Variants in CXXC5 observed in about 807,000 individuals in gnomAD.
CXXC5 encodes CXXC finger protein 5.
In CXXC5, 2 loss-of-function variants were observed where a neutral mutation model predicts 17.6. The ratio of observed to expected loss-of-function variants is 0.11; its 90% CI spans 0.05 to 0.36. CXXC5 has a LOEUF of 0.36. Among genes scored for constraint, CXXC5 ranks in the 10% least tolerant of loss-of-function variants. The pLI, the probability that CXXC5 is intolerant of heterozygous loss-of-function variation, is 1.00. For synonymous variants in CXXC5, 171 were observed against 193.0 expected, an observed-to-expected ratio of 0.89 and a Z score of 0.94; for missense variants, 343 against 458.3, an observed-to-expected ratio of 0.75 and a Z score of 2.30.
rs1167387668 is a variant in CXXC5 at position 139,661,382 on chromosome 5, T to G, written c.-161+12537T>G. On this transcript the variant is annotated intron_variant, in intron 1 of 2. Transcript: ENST00000302517. The surrounding 1 kb of genome is among the most constrained non-coding windows in gnomAD (Gnocchi z 4.7). ...ACACACTTAGGACAGACACAGTCAC[T>G]TGCAGCACACGTAGTTCCACACGAC... 1.3e-5 allele frequency among the ~76,000 whole-genome samples: 2 copies of G among 152,030 alleles called. No individual in the cohort carries two copies. The highest frequency in any genetic ancestry group is 4.8e-5 in the African/African-American group (2 of 41,390).
At chr5:139,648,873 G>T in intron 1 of CXXC5, 28 bp downstream of exon 1, 1 of 152,162 alleles carries the variant, frequency 6.6e-6, no homozygotes, top group South Asian at 2.0e-4. Flanking sequence ...GCCCTCCCTC[G>T]ACCCCCCCCG....
chr5:139,669,551 C>T (rs201668697), intron 1 of CXXC5, among the ~76,000 whole-genome samples: 364 of 152,292 alleles, frequency 2.4e-3, no homozygotes, highest in African/African-American at 8.0e-3. Flanking sequence ...GCCAGGACAG[C>T]TATGGCTTTA....
In CXXC5 at chr5:139,680,743, C is replaced by T. The variant is rs779733703; in HGVS notation, c.220C>T (p.Arg74Cys). The change falls in exon 2 of 3, where the codon CGC (arginine) becomes TGC (cysteine). Residue 74 changes from arginine (R) to cysteine (C), a missense_variant. By Grantham distance (180) the Arg-to-Cys change is radical (BLOSUM62 -3). Around this residue, in one of 4 missense-constraint regions of CXXC5, gnomAD observed 297 missense variants for 363.4 expected, o/e 0.82. Transcript: ENST00000302517. ...CAGTGAGCCCCTCAACAAGAGCCTG[C>T]GCCGCTCCCGCCCGCTCTCCCACTA... ...IISEPLNKSL[R>C]RSRPLSHYSS... 5 of 1,613,510 alleles carry T rather than the reference C, an allele frequency of 3.1e-6. No homozygotes were observed. Among genetic ancestry groups the T allele is most frequent in the East Asian group, 2.2e-5 (1 of 44,870 alleles).
chr5:139,657,687 A>G (rs1755562455), intron 1 of CXXC5, among the ~76,000 whole-genome samples: 1 of 152,136 alleles, frequency 6.6e-6, no homozygotes, highest in South Asian at 2.1e-4. Flanking sequence ...TGAGGACCAC[A>G]ATTTTTCCAT....
At chr5:139,657,356 A>C (rs777435177) in intron 1 of CXXC5, among the ~76,000 whole-genome samples, 4 of 152,198 alleles carry the variant, frequency 2.6e-5, no homozygotes, top group African/African-American at 4.8e-5. Context: ...GGACTCCTTA[A>C]ATGCTTGCTG....
intron 1 of CXXC5, among the ~76,000 whole-genome samples, chr5:139,655,234 A>G (rs1470597907): frequency 6.6e-6 from 1 of 152,000 alleles, no homozygotes; most frequent in Non-Finnish European, 1.5e-5. Context: ...AGAGCTGGGG[A>G]GACTGGCTGT....
intron 1 of CXXC5, among the ~76,000 whole-genome samples, chr5:139,655,532 AC>A (rs1393790491): frequency 1.4e-5 from 2 of 147,058 alleles, no homozygotes; most frequent in Non-Finnish European, 3.0e-5. Flanking sequence ...TGCCCCTGAC[AC>A]TTTCCCTATC....
At chr5:139,662,087 C>CG (rs1755851652) in intron 1 of CXXC5, among the ~76,000 whole-genome samples, 1 of 113,062 alleles carries the variant, frequency 8.8e-6, no homozygotes, top group Middle Eastern at 4.4e-3. Context: ...TGGGAGGTGA[C>CG]AGGGTGTGCC....
chr5:139,666,276 A>G (rs1756107017), intron 1 of CXXC5, among the ~76,000 whole-genome samples: 1 of 152,256 alleles, frequency 6.6e-6, no homozygotes, highest in East Asian at 1.9e-4. Context: ...GACTCTTCCC[A>G]GGGAGGAAGC....
chr5:139,678,788 G>A (rs552230509), intron 1 of CXXC5, among the ~76,000 whole-genome samples: 53 of 152,338 alleles, frequency 3.5e-4, no homozygotes, highest in African/African-American at 1.2e-3. Flanking sequence ...AGCCCAGGGC[G>A]TGATGGGGCC....
Position 139,659,590 on chromosome 5 carries a change from C to G in CXXC5, c.-161+10745C>G, listed in dbSNP as rs183078179. ...CCAGGGGCCTTGTGGTGCCCTCCACCCTGTCCTGAGCTGCCGCTGCGGGGG... is the reference window on the plus strand; with the variant it reads ...CCAGGGGCCTTGTGGTGCCCTCCACGCTGTCCTGAGCTGCCGCTGCGGGGG... On this transcript the variant is annotated intron_variant, in intron 1 of 2. Transcript: ENST00000302517. 2.6e-5 allele frequency: 4 copies of G among 152,504 alleles called. No homozygotes were observed. The East Asian group carries it at 7.7e-4, about 29-fold the overall frequency. The allele number at this position is 152,504 out of a possible 1,614,324, so 9.4% of individuals were successfully genotyped here.
Position 139,648,366 on chromosome 5 carries a change from C to T in CXXC5, c.-640C>T. On this transcript the variant is annotated 5_prime_UTR_variant, in exon 1 of 3. Coordinates refer to ENST00000302517, the MANE Select transcript of CXXC5 (RefSeq NM_016463.9). ...CGCGCGGCGGCGGCGGCAGAGGCGG[C>T]TGAGCCTGAGCGGGGATGTAGAGGC... 1 of 158,886 alleles carries T rather than the reference C, an allele frequency of 6.3e-6. No individual in the cohort carries two copies. The highest frequency in any genetic ancestry group is 1.4e-5 in the Non-Finnish European group (1 of 72,992). 9.8% of individuals were successfully genotyped at this position (158,886 alleles called of 1,614,324 possible).
At chr5:139,665,906 C>A (rs1227358311) in intron 1 of CXXC5, 1 of 152,286 alleles carries the variant, frequency 6.6e-6, no homozygotes, top group Non-Finnish European at 1.5e-5. Flanking sequence ...AGAACCCGGC[C>A]ACTTGTTTGT....
At chr5:139,653,372 G>A (rs1331205764) in intron 1 of CXXC5, among the ~76,000 whole-genome samples, 1 of 152,200 alleles carries the variant, frequency 6.6e-6, no homozygotes, top group Non-Finnish European at 1.5e-5. Context: ...GCCAGCCTGT[G>A]TGTCTCCATG....
Position 139,661,257 on chromosome 5 carries a change from C to T in CXXC5, c.-161+12412C>T, listed in dbSNP as rs1457720968. On this transcript the variant is annotated intron_variant, in intron 1 of 2. Coordinates refer to ENST00000302517, the MANE Select transcript of CXXC5 (RefSeq NM_016463.9). The surrounding 1 kb of genome is among the most constrained non-coding windows in gnomAD (Gnocchi z 4.7). ...GGGCGGGCGGGCGGCAGGATTAGCTCAGGAGACGTGAGTCACCCCATCCCC... is the reference window on the plus strand; with the variant it reads ...GGGCGGGCGGGCGGCAGGATTAGCTTAGGAGACGTGAGTCACCCCATCCCC... 6.6e-6 allele frequency among the ~76,000 whole-genome samples: 1 copy of T among 152,184 alleles called. No individual in the cohort carries two copies. The highest frequency in any genetic ancestry group is 2.4e-5 in the African/African-American group (1 of 41,438).
At chr5:139,678,388 C>G (rs79675396) in intron 1 of CXXC5, among the ~76,000 whole-genome samples, 18 of 152,328 alleles carry the variant, frequency 1.2e-4, no homozygotes, top group Middle Eastern at 3.4e-3. Flanking sequence ...GCCCCCCAAC[C>G]CAGCCTGGAT....
intron 1 of CXXC5, among the ~76,000 whole-genome samples, chr5:139,652,960 T>C (rs1755289209): frequency 1.3e-5 from 2 of 152,188 alleles, no homozygotes; most frequent in Admixed American, 1.3e-4. Context: ...GACAGTGGTT[T>C]CTCTCTGTCT....
At chr5:139,672,465 G>A (rs1756535032) in intron 1 of CXXC5, among the ~76,000 whole-genome samples, 1 of 152,216 alleles carries the variant, frequency 6.6e-6, no homozygotes, top group Admixed American at 6.5e-5. Flanking sequence ...GAGTGGAAGG[G>A]ACTGGATGCT....
At chr5:139,653,223 G>A (rs962931950) in intron 1 of CXXC5, among the ~76,000 whole-genome samples, 1 of 152,204 alleles carries the variant, frequency 6.6e-6, no homozygotes, top group Non-Finnish European at 1.5e-5. Context: ...GCTGGGGCTG[G>A]GGTGACAGCG....
Sources: allele counts gnomAD v4.1 joint callset (sites outside exome capture counted in the v4.1 genomes callset), GRCh38; gene constraint gnomAD v4.1.1; regional missense constraint gnomAD v4.1.1; non-coding constraint Gnocchi (gnomAD v3.1); transcripts MANE v1.5; gene names NCBI Gene and HGNC (gene_info 2026-07-23, HGNC 2026-07-21).